The following PHF24 variants were observed in gnomAD, a reference collection of about 807,000 sequenced individuals.
PHF24 encodes the protein PHD finger protein 24.
Under a neutral mutation model 42.6 loss-of-function variants are expected in PHF24, and 25 were observed. The ratio of observed to expected loss-of-function variants is 0.59; its 90% CI spans 0.43 to 0.82. PHF24 has a LOEUF of 0.82. Among genes scored for constraint, PHF24 ranks in the 40% least tolerant of loss-of-function variants. The pLI, the probability that PHF24 is intolerant of heterozygous loss-of-function variation, is 0.00. For synonymous variants in PHF24, 185 were observed against 204.8 expected, an observed-to-expected ratio of 0.90 and a Z score of 0.83; for missense variants, 470 against 538.1, an observed-to-expected ratio of 0.87 and a Z score of 1.25.
upstream of PHF24, among the ~76,000 whole-genome samples, chr9:34,954,812 T>C (rs929560610): frequency 2.6e-5 from 4 of 152,160 alleles, no homozygotes; most frequent in African/African-American, 9.7e-5. Flanking sequence ...ACACATATAG[T>C]GCATTGCACT....
chr9:34,977,895 C>T (rs1827258848), intron 7 of PHF24, 120 bp from the exon 8 acceptor site: 1 of 827,716 alleles, frequency 1.2e-6, no homozygotes, highest in Non-Finnish European at 2.1e-6. Flanking sequence ...AGCCATGCTG[C>T]CCCTGGGATC....
chr9:34,840,015 T>A, the PHF24 span, among the ~76,000 whole-genome samples: 2 of 152,172 alleles, frequency 1.3e-5, no homozygotes, highest in African/African-American at 4.8e-5. Flanking sequence ...GCCACAGAGT[T>A]CATTTGATAC....
the PHF24 span, among the ~76,000 whole-genome samples, chr9:34,721,574 A>C: frequency 1.3e-5 from 2 of 151,990 alleles, no homozygotes; most frequent in African/African-American, 4.8e-5. Context: ...CCACGCCCAG[A>C]TAATTTTTGT....
At chr9:34,799,114 A>G in the PHF24 span, among the ~76,000 whole-genome samples, 2 of 152,240 alleles carry the variant, frequency 1.3e-5, no homozygotes, top group African/African-American at 4.8e-5. Flanking sequence ...AGTCCTTTGT[A>G]AGACATACTT....
chr9:34,800,673 T>C, the PHF24 span, among the ~76,000 whole-genome samples: 49 of 152,250 alleles, frequency 3.2e-4, no homozygotes, highest in African/African-American at 1.2e-3. Flanking sequence ...TAACTCAAGA[T>C]GGATTAAAGA....
chr9:34,949,597 C>T, the PHF24 span, among the ~76,000 whole-genome samples: 8 of 152,182 alleles, frequency 5.3e-5, no homozygotes, highest in Non-Finnish European at 1.2e-4. Flanking sequence ...TTGGAACCAA[C>T]CCAAATGCCC....
the PHF24 span, among the ~76,000 whole-genome samples, chr9:34,950,372 A>T: frequency 6.6e-6 from 1 of 150,824 alleles, no homozygotes; most frequent in South Asian, 2.1e-4. Context: ...AAAAAAAAAA[A>T]TTGAAATCAT....
chr9:34,720,833 C>T, the PHF24 span, among the ~76,000 whole-genome samples: 1 of 152,190 alleles, frequency 6.6e-6, no homozygotes, highest in Non-Finnish European at 1.5e-5. Flanking sequence ...CAGATATCAG[C>T]AGCAGCTTTG....
the PHF24 span, among the ~76,000 whole-genome samples, chr9:34,849,047 C>A: frequency 6.6e-6 from 1 of 152,062 alleles, no homozygotes; most frequent in Admixed American, 6.6e-5. Context: ...GGAATAGGTG[C>A]AGTGTGATGC....
At chr9:34,883,215 A>G in the PHF24 span, among the ~76,000 whole-genome samples, 7 of 152,344 alleles carry the variant, frequency 4.6e-5, no homozygotes, top group African/African-American at 1.4e-4. Flanking sequence ...AAATTAATTC[A>G]AGATGGATTA....
chr9:34,879,669 A>C, the PHF24 span, among the ~76,000 whole-genome samples: 2 of 151,966 alleles, frequency 1.3e-5, no homozygotes, highest in Middle Eastern at 3.4e-3. Context: ...GAGTAAAAAG[A>C]AACAAAACCT....
At chr9:34,826,319 C>T in the PHF24 span, among the ~76,000 whole-genome samples, 6 of 152,234 alleles carry the variant, frequency 3.9e-5, no homozygotes, top group South Asian at 4.1e-4. Flanking sequence ...AGGAAGTCCT[C>T]CCTTCTCCTC....
the PHF24 span, chr9:34,922,879 G>A: frequency 3.2e-6 from 5 of 1,571,592 alleles, no homozygotes; most frequent in Non-Finnish European, 4.3e-6. Context: ...CACTCAGCCT[G>A]CTCGGCCAGT....
chr9:34,676,531 A>G, the PHF24 span, among the ~76,000 whole-genome samples: 2 of 152,180 alleles, frequency 1.3e-5, no homozygotes, highest in African/African-American at 2.4e-5. Flanking sequence ...AGAGCCAGGG[A>G]TGGTGTACAG....
At chr9:34,962,259 C>T (rs1297422746) in intron 1 of PHF24, among the ~76,000 whole-genome samples, 1 of 152,122 alleles carries the variant, frequency 6.6e-6, no homozygotes, top group Non-Finnish European at 1.5e-5. Flanking sequence ...TTGCCTATTT[C>T]TATCTAGCCC....
chr9:34,800,538 G>A, the PHF24 span, among the ~76,000 whole-genome samples: 2 of 152,048 alleles, frequency 1.3e-5, no homozygotes, highest in Admixed American at 6.5e-5. Flanking sequence ...TCTGATCTTC[G>A]ACAAACTTGA....
At chr9:34,796,788 T>C in the PHF24 span, among the ~76,000 whole-genome samples, 1 of 152,330 alleles carries the variant, frequency 6.6e-6, no homozygotes, top group Middle Eastern at 3.4e-3. Context: ...CTTTCCAGGA[T>C]ATGACCCATC....
chr9:34,975,448 GCTC>G (rs1311260995), intron 3 of PHF24, among the ~76,000 whole-genome samples: 6 of 152,218 alleles, frequency 3.9e-5, no homozygotes, highest in Admixed American at 3.9e-4. Flanking sequence ...TGAAATATCT[GCTC>G]TTGTACTTTG....
At chr9:34,809,608 G>A in the PHF24 span, among the ~76,000 whole-genome samples, 1 of 152,228 alleles carries the variant, frequency 6.6e-6, no homozygotes, top group East Asian at 1.9e-4. The surrounding 1 kb of genome is among the most constrained non-coding windows in gnomAD (Gnocchi z 4.1). Flanking sequence ...TGCCAGCGTC[G>A]TGAGCCTGGA....
Sources: gnomAD v4.1 joint callset for allele counts (sites outside exome capture counted in the v4.1 genomes callset) on GRCh38, gnomAD v4.1.1 for gene constraint, Gnocchi (gnomAD v3.1) non-coding constraint, MANE v1.5 for transcripts, NCBI Gene and HGNC (gene_info 2026-07-23, HGNC 2026-07-21) for gene names.